Variants in LRATD1 observed in about 807,000 individuals in gnomAD.
The protein encoded by LRATD1 is LRAT domain containing 1, also known as protein LRATD1.
Under a neutral mutation model 21.3 loss-of-function variants are expected in LRATD1, and 8 were observed. That is an observed-to-expected ratio of 0.38 (90% CI 0.22 to 0.68). The LOEUF (loss-of-function observed/expected upper bound fraction) is 0.68. Ranked by LOEUF, LRATD1 falls within the 30% of genes least tolerant of loss-of-function variation. The pLI, the probability that LRATD1 is intolerant of heterozygous loss-of-function variation, is 0.54. For missense variants in LRATD1, 380 were observed against 404.0 expected (o/e 0.94, Z 0.51); for synonymous variants, 210 against 186.2 (o/e 1.13, Z -1.04).
Position 14,634,699 on chromosome 2 carries a change from G to C in LRATD1, c.720G>C (p.Gln240His), listed in dbSNP as rs760623968. 3.2e-6 allele frequency: 5 copies of C among 1,549,422 alleles called. No individual in the cohort carries two copies. In the South Asian group the frequency reaches 6.1e-5, roughly 19 times the overall value. Reference protein sequence around the residue: ...GEVPAGTQPPQQQYYLKVHLG... With the variant: ...GEVPAGTQPPHQQYYLKVHLG... Reference sequence around the variant, plus strand: ...TGCCGGCAGGCACGCAGCCCCCGCAGCAGCAGTACTATCTCAAGGTGCACC... The same window carrying C: ...TGCCGGCAGGCACGCAGCCCCCGCACCAGCAGTACTATCTCAAGGTGCACC... The change falls in exon 2 of 2, where the codon CAG becomes CAC. Residue 240 changes from glutamine (Q) to histidine (H), a missense_variant. Physicochemically the swap from Gln to His is conservative, Grantham distance 24. Coordinates refer to ENST00000295092, the MANE Select transcript of LRATD1 (RefSeq NM_145175.4).
In LRATD1 at chr2:14,639,103, TAC is replaced by T. The variant is rs34456742; in HGVS notation, c.*4269_*4270del. The T allele has an allele frequency of 7.0e-3, 1,116 of 159,398 alleles. No homozygotes were observed. Among genetic ancestry groups the T allele is most frequent in the Non-Finnish European group, 2.7e-3 (180 of 66,670 alleles). 9.9% of individuals were successfully genotyped at this position (159,398 alleles called of 1,614,324 possible). On this transcript the variant is annotated 3_prime_UTR_variant, in exon 2 of 2. Coordinates refer to ENST00000295092, the MANE Select transcript of LRATD1 (RefSeq NM_145175.4). ...ATAGCTAGCAATTATTTCATTCAGATACACACACACACACACACACACACAGG... is the reference window on the plus strand; with the variant it reads ...ATAGCTAGCAATTATTTCATTCAGATACACACACACACACACACACACAGG...
Position 14,633,381 on chromosome 2 carries a change from C to T in LRATD1, c.-37+444C>T, listed in dbSNP as rs767491625. Among the ~76,000 whole-genome samples the T allele has an allele frequency of 2.0e-5, 3 of 152,178 alleles. No individual in the cohort carries two copies. The highest frequency in any genetic ancestry group is 7.2e-5 in the African/African-American group (3 of 41,442). ...ATGTGACATACACCAGTATACCAGG[C>T]TGCCAGTGTCTGGACTCCCAAGTGT... On this transcript the variant is annotated intron_variant, in intron 1 of 1. Transcript: ENST00000295092. This position sits in a 1 kb window ranked among gnomAD's most constrained non-coding sequence, Gnocchi z 7.5.
chr2:14,633,740 G>A lies in LRATD1; in HGVS notation c.-36-204G>A, dbSNP rs1304772548. ...GGAAGGGGTCGGAGGCTGTGTGGTG[G>A]CGTCTGCTCTCGCCTGACCTGTGGC... is the stretch of plus-strand genomic sequence containing the variant. On this transcript the variant is annotated intron_variant, in intron 1 of 1. Transcript: ENST00000295092. The surrounding 1 kb of genome is among the most constrained non-coding windows in gnomAD (Gnocchi z 7.5). The A allele has an allele frequency of 7.3e-6, 4 of 546,404 alleles. No individual in the cohort carries two copies. The highest frequency in any genetic ancestry group is 5.8e-5 in the East Asian group (2 of 34,352). 33.8% of individuals were successfully genotyped at this position (546,404 alleles called of 1,614,324 possible).
chr2:14,634,690 G>A lies in LRATD1; in HGVS notation c.711G>A (p.Gln237=). Residue 237 remains glutamine, a synonymous_variant, in exon 2 of 2, where the codon CAG becomes CAA. Transcript: ENST00000295092. Reference sequence around the variant, plus strand: ...GAGGGGAGGTGCCGGCAGGCACGCAGCCCCCGCAGCAGCAGTACTATCTCA... The same window carrying A: ...GAGGGGAGGTGCCGGCAGGCACGCAACCCCCGCAGCAGCAGTACTATCTCA... ...KAGGEVPAGT[Q]PPQQQYYLKV... The A allele has an allele frequency of 6.5e-7, 1 of 1,547,714 alleles. No individual in the cohort carries two copies. Among genetic ancestry groups the A allele is most frequent in the Non-Finnish European group, 8.7e-7 (1 of 1,145,890 alleles).
Position 14,635,096 on chromosome 2 carries a change from G to T in LRATD1, c.*238G>T. On this transcript the variant is annotated 3_prime_UTR_variant, in exon 2 of 2. Coordinates refer to ENST00000295092, the MANE Select transcript of LRATD1 (RefSeq NM_145175.4). The stretch of plus-strand genomic sequence containing the variant: ...CGAGCGCCTGGCTGACAGCCACAGC[G>T]GTGGTGACGGTGCTGGGAGACCCCG... 4.2e-6 allele frequency: 3 copies of T among 713,372 alleles called. No individual in the cohort carries two copies. Among genetic ancestry groups the T allele is most frequent in the Non-Finnish European group, 7.7e-6 (3 of 388,044 alleles). 44.2% of individuals were successfully genotyped at this position (713,372 alleles called of 1,614,324 possible).
At position 14,634,252 on chromosome 2, in the gene LRATD1, C is replaced by A; in HGVS notation, c.273C>A (p.Gly91=). 1 of 1,610,006 alleles carries A rather than the reference C, an allele frequency of 6.2e-7. No homozygotes were observed. ...LNETQFSAFR[G]QECIFSKVSG... is the part of the protein sequence containing the mutation. ...AGACTCAGTTTTCCGCCTTTCGGGG[C>A]CAGGAATGCATCTTTTCCAAAGTGA... Residue 91 remains glycine, a synonymous_variant, in exon 2 of 2, where the codon GGC becomes GGA. Coordinates refer to ENST00000295092, the MANE Select transcript of LRATD1 (RefSeq NM_145175.4).
Position 14,634,294 on chromosome 2 carries a change from C to T in LRATD1, c.315C>T (p.Gly105=), listed in dbSNP as rs557601075. 1.1e-4 allele frequency: 170 copies of T among 1,602,142 alleles called. 1 individual carries two copies. In the South Asian group the frequency reaches 1.5e-3, roughly 14 times the overall value. ...IFSKVSGGPQ[G]ADLSVYAVTA... ...CCAAAGTGAGCGGTGGCCCTCAGGGCGCCGACCTAAGCGTCTACGCGGTCA... is the reference window on the plus strand; with the variant it reads ...CCAAAGTGAGCGGTGGCCCTCAGGGTGCCGACCTAAGCGTCTACGCGGTCA... Residue 105 remains glycine, a synonymous_variant, in exon 2 of 2, where the codon GGC becomes GGT. Transcript: ENST00000295092.
At chr2:14,647,195 A>G (rs976912288) in intron 4 of LRATD1, among the ~76,000 whole-genome samples, 1 of 152,216 alleles carries the variant, frequency 6.6e-6, no homozygotes, top group African/African-American at 2.4e-5. Flanking sequence ...CATTAGCTGA[A>G]TTAAGTTAAA....
At chr2:14,648,400 C>A (rs1292652722) in intron 4 of LRATD1, among the ~76,000 whole-genome samples, 1 of 152,040 alleles carries the variant, frequency 6.6e-6, no homozygotes, top group Non-Finnish European at 1.5e-5. Context: ...TTTTAAAATT[C>A]CAAATCACAA....
At chr2:14,644,512 G>T (rs1182390391), downstream of LRATD1, among the ~76,000 whole-genome samples, 1 of 152,092 alleles carries the variant, frequency 6.6e-6, no homozygotes, top group Non-Finnish European at 1.5e-5. Flanking sequence ...GTGTTTAAGC[G>T]AAGTCCTTTT....
At chr2:14,643,845 G>T (rs779873944), downstream of LRATD1, among the ~76,000 whole-genome samples, 1 of 152,170 alleles carries the variant, frequency 6.6e-6, no homozygotes, top group Non-Finnish European at 1.5e-5. Flanking sequence ...AACATAGTCT[G>T]TTTAAGTTAA....
Position 14,634,375 on chromosome 2 carries a change from G to A in LRATD1, c.396G>A (p.Gln132=), listed in dbSNP as rs758095961. 6.4e-6 allele frequency: 10 copies of A among 1,559,182 alleles called. No homozygotes were observed. In the East Asian group the frequency reaches 7.0e-5, roughly 11 times the overall value. ...PGDLLELLWL[Q]PAPEPPAPAP... The stretch of plus-strand genomic sequence containing the variant: ...ACCTGCTGGAGCTGCTGTGGCTGCA[G>A]CCCGCGCCGGAGCCGCCCGCGCCCG... Residue 132 remains glutamine, a synonymous_variant, in exon 2 of 2, where the codon CAG becomes CAA. Transcript: ENST00000295092.
At chr2:14,640,478 A>G (rs1012669398), downstream of LRATD1, among the ~76,000 whole-genome samples, 1 of 152,208 alleles carries the variant, frequency 6.6e-6, no homozygotes, top group Non-Finnish European at 1.5e-5. Flanking sequence ...CACAAAATGA[A>G]TGCTTCAAAA....
At chr2:14,643,616 G>A (rs1457047004), downstream of LRATD1, among the ~76,000 whole-genome samples, 1 of 152,158 alleles carries the variant, frequency 6.6e-6, no homozygotes, top group East Asian at 1.9e-4. Context: ...CTTGGCACAT[G>A]TAAAAGTCCT....
chr2:14,648,294 A>G (rs1671930670), intron 4 of LRATD1, among the ~76,000 whole-genome samples: 1 of 152,156 alleles, frequency 6.6e-6, no homozygotes, highest in East Asian at 1.9e-4. Flanking sequence ...GGGCCTTTAA[A>G]TTACTGGGGA....
rs1164600861 is a variant in LRATD1 at position 14,634,818 on chromosome 2, T to C, written c.839T>C (p.Val280Ala). Reference protein sequence around the residue: ...RRIDASGRLRVLQELADLVDD... With the variant: ...RRIDASGRLRALQELADLVDD... Reference sequence around the variant, plus strand: ...ATCGACGCCAGCGGCCGCCTGCGAGTGCTCCAGGAGCTCGCCGACCTCGTG... The same window carrying C: ...ATCGACGCCAGCGGCCGCCTGCGAGCGCTCCAGGAGCTCGCCGACCTCGTG... The change falls in exon 2 of 2, where the codon GTG becomes GCG. Residue 280 changes from valine to alanine, a missense_variant. Physicochemically the swap from Val to Ala is moderately conservative, Grantham distance 64. Transcript: ENST00000295092. 6.2e-7 allele frequency: 1 copy of C among 1,608,304 alleles called. No individual in the cohort carries two copies. The highest frequency in any genetic ancestry group is 2.2e-5 in the East Asian group (1 of 44,724).
rs78781160 is a variant in LRATD1, at chr2:14,634,045, G to C, written c.66G>C (p.Ser22=). The C allele has an allele frequency of 6.2e-7, 1 of 1,614,076 alleles. No homozygotes were observed. The highest frequency in any genetic ancestry group is 8.5e-7 in the Non-Finnish European group (1 of 1,180,030). Residue 22 remains serine (S), a synonymous_variant, in exon 2 of 2, where the codon TCG becomes TCC. Transcript: ENST00000295092. The part of the protein sequence containing the change: ...NYSELPTGDP[S]GIEKDELRVG... The stretch of plus-strand genomic sequence containing the variant: ...GCGAGTTGCCCACAGGGGACCCGTC[G>C]GGGATTGAAAAGGACGAACTGCGGG...
downstream of LRATD1, among the ~76,000 whole-genome samples, chr2:14,643,857 G>A (rs1671850379): frequency 6.6e-6 from 1 of 152,144 alleles, no homozygotes. Context: ...TTAAGTTAAT[G>A]AGAACCTGAT....
At chr2:14,640,250 G>A (rs1671786611), downstream of LRATD1, among the ~76,000 whole-genome samples, 1 of 152,198 alleles carries the variant, frequency 6.6e-6, no homozygotes, top group African/African-American at 2.4e-5. Flanking sequence ...TTTACTAGAT[G>A]TACACTTAAC....
Sources: gnomAD v4.1 joint callset for allele counts (sites outside exome capture counted in the v4.1 genomes callset) on GRCh38, gnomAD v4.1.1 for gene constraint, Gnocchi (gnomAD v3.1) non-coding constraint, MANE v1.5 for transcripts, NCBI Gene and HGNC (gene_info 2026-07-23, HGNC 2026-07-21) for gene names.